Variants in SLC30A8 observed in about 807,000 individuals in gnomAD.
SLC30A8 encodes the protein proton-coupled zinc antiporter SLC30A8.
SLC30A8 carries 27 observed loss-of-function variants against 36.9 expected under a neutral mutation model. The observed-to-expected ratio is 0.73, with a 90% CI of 0.54 to 1.01. The LOEUF (loss-of-function observed/expected upper bound fraction) is 1.01, where lower values mean the gene tolerates loss of function less well. Ranked by LOEUF, SLC30A8 falls within the 50% of genes least tolerant of loss-of-function variation. The pLI, the probability that SLC30A8 is intolerant of heterozygous loss-of-function variation, is 0.00. For synonymous variants in SLC30A8, 164 were observed against 172.4 expected, an observed-to-expected ratio of 0.95 and a Z score of 0.38; for missense variants, 439 against 452.0, an observed-to-expected ratio of 0.97 and a Z score of 0.26.
intron 1 of SLC30A8, among the ~76,000 whole-genome samples, chr8:117,019,271 A>G (rs1384364951): frequency 2.0e-5 from 3 of 152,242 alleles, no homozygotes; most frequent in Non-Finnish European, 4.4e-5. Context: ...ATCAATGTAT[A>G]TAACAATGTA....
In SLC30A8 at chr8:116,959,409, A is replaced by G. The variant is rs549070011; in HGVS notation, c.-266+8290A>G. On this transcript the variant is annotated intron_variant, in intron 1 of 10. Coordinates refer to the SLC30A8 transcript ENST00000427715. ...TGTTTATCTGTCAATTTTAGTATCA[A>G]TGTTAGTTCTAGATTGGCTTCAATT... Among the ~76,000 whole-genome samples, 17 of 152,278 alleles carry G rather than the reference A, an allele frequency of 1.1e-4. No individual in the cohort carries two copies. In the South Asian group the frequency reaches 2.5e-3, roughly 22 times the overall value.
At chr8:117,064,796 T>C (rs1241122505) in intron 2 of SLC30A8, among the ~76,000 whole-genome samples, 1 of 152,138 alleles carries the variant, frequency 6.6e-6, no homozygotes. Context: ...CCCAGCCCCA[T>C]CTGGGAGAGG....
At chr8:116,977,209 CACGATTT>C (rs1425387624) in intron 1 of SLC30A8, among the ~76,000 whole-genome samples, 3 of 114,224 alleles carry the variant, frequency 2.6e-5, no homozygotes, top group Non-Finnish European at 3.3e-5. Flanking sequence ...AGTGCAGTGG[CACGATTT>C]CCGTTCACTG....
intron 1 of SLC30A8, among the ~76,000 whole-genome samples, chr8:117,025,083 C>T (rs1816834019): frequency 6.6e-6 from 1 of 152,168 alleles, no homozygotes. Flanking sequence ...TTAGTTTAAG[C>T]AGGAAAACAA....
At chr8:117,154,339 G>C (rs1337019738) in intron 3 of SLC30A8, among the ~76,000 whole-genome samples, 1 of 147,006 alleles carries the variant, frequency 6.8e-6, no homozygotes, top group African/African-American at 2.5e-5. Flanking sequence ...TGAATATTTT[G>C]TGCAAATCAT....
intron 2 of SLC30A8, among the ~76,000 whole-genome samples, chr8:117,085,162 A>G (rs910330453): frequency 6.6e-6 from 1 of 152,136 alleles, no homozygotes; most frequent in Non-Finnish European, 1.5e-5. Flanking sequence ...CTATTTGTTG[A>G]GCAGTTGCTA....
intron 2 of SLC30A8, among the ~76,000 whole-genome samples, chr8:117,088,517 G>A (rs1189325669): frequency 1.3e-5 from 2 of 152,048 alleles, no homozygotes; most frequent in African/African-American, 2.4e-5. Context: ...CTCAAGTTCC[G>A]ACAGTGAAAA....
chr8:116,972,571 A>G (rs1406935548), intron 1 of SLC30A8, among the ~76,000 whole-genome samples: 2 of 152,198 alleles, frequency 1.3e-5, no homozygotes, highest in African/African-American at 4.8e-5. Flanking sequence ...TTAACTTTCA[A>G]TGGATGTTTG....
intron 2 of SLC30A8, among the ~76,000 whole-genome samples, chr8:117,109,968 T>C (rs965709771): frequency 1.3e-5 from 2 of 152,326 alleles, no homozygotes; most frequent in African/African-American, 4.8e-5. Context: ...GCTTTCTTTA[T>C]TGACTTTTCC....
chr8:117,049,074 A>G (rs1288400627), intron 2 of SLC30A8, among the ~76,000 whole-genome samples: 2 of 152,228 alleles, frequency 1.3e-5, no homozygotes, highest in Non-Finnish European at 2.9e-5. Context: ...ACTTCATAGC[A>G]TTTTAGAATG....
intron 1 of SLC30A8, among the ~76,000 whole-genome samples, chr8:116,977,796 C>T: frequency 6.6e-6 from 1 of 152,042 alleles, no homozygotes; most frequent in Non-Finnish European, 1.5e-5. Flanking sequence ...AGGTGTGAGC[C>T]ACCACTCCCA....
chr8:117,143,919 C>G (rs1002708861), intron 1 of SLC30A8, among the ~76,000 whole-genome samples: 7 of 152,120 alleles, frequency 4.6e-5, no homozygotes, highest in African/African-American at 1.4e-4. Flanking sequence ...AGGTTTGATT[C>G]TTGCTTTGGA....
intron 2 of SLC30A8, among the ~76,000 whole-genome samples, chr8:117,120,928 A>G (rs1820671130): frequency 1.3e-5 from 2 of 151,926 alleles, no homozygotes; most frequent in East Asian, 1.9e-4. Context: ...AAAAGCCACA[A>G]TGAAATATCA....
At chr8:117,133,965 A>G (rs1821244573), upstream of SLC30A8, among the ~76,000 whole-genome samples, 1 of 151,948 alleles carries the variant, frequency 6.6e-6, no homozygotes. Flanking sequence ...AATTTATGTT[A>G]TAGATGAGAG....
At chr8:116,967,773 A>G (rs1226568161) in intron 1 of SLC30A8, among the ~76,000 whole-genome samples, 1 of 152,234 alleles carries the variant, frequency 6.6e-6, no homozygotes, top group Non-Finnish European at 1.5e-5. Context: ...TACATGAAAC[A>G]AAATACTGTG....
rs560849777 is a variant in SLC30A8 at position 117,046,712 on chromosome 8, C to T, written c.-226+7454C>T. On this transcript the variant is annotated intron_variant, in intron 2 of 10. Coordinates refer to the SLC30A8 transcript ENST00000427715. ...AACTAAGACGAAGCTGTGTCCTTCT[C>T]TCAAGATCTTTCTCTTTCTCTGCAT... Among the ~76,000 whole-genome samples, 6 of 152,348 alleles carry T rather than the reference C, an allele frequency of 3.9e-5. 1 individual carries two copies. In the East Asian group the frequency reaches 1.2e-3, roughly 29 times the overall value.
intron 1 of SLC30A8, among the ~76,000 whole-genome samples, chr8:116,959,778 AT>A (rs1469390309): frequency 1.3e-5 from 2 of 152,190 alleles, no homozygotes; most frequent in Non-Finnish European, 2.9e-5. Flanking sequence ...GACAGGCGCT[AT>A]TCCCAGCCTG....
chr8:117,057,538 C>T (rs1817909625), intron 2 of SLC30A8, among the ~76,000 whole-genome samples: 1 of 152,042 alleles, frequency 6.6e-6, no homozygotes, highest in Admixed American at 6.6e-5. Context: ...AACCCCTACC[C>T]TCTGGAAACC....
chr8:116,999,476 G>A (rs1434975991), intron 1 of SLC30A8, among the ~76,000 whole-genome samples: 2 of 152,128 alleles, frequency 1.3e-5, no homozygotes, highest in East Asian at 1.9e-4. Context: ...GTGGGTGTGA[G>A]GAGACATAAA....
Sources: gnomAD v4.1 joint callset for allele counts (sites outside exome capture counted in the v4.1 genomes callset) on GRCh38, gnomAD v4.1.1 for gene constraint, MANE v1.5 for transcripts, NCBI Gene and HGNC (gene_info 2026-07-23, HGNC 2026-07-21) for gene names.